Variants in SKIC8 observed in about 807,000 individuals in gnomAD.
SKIC8 encodes the protein SKI8 subunit of superkiller complex, also known as superkiller complex protein 8.
chr15:78,292,654 T>C, the SKIC8 span: 1 of 1,614,216 alleles, frequency 6.2e-7, no homozygotes, highest in East Asian at 2.2e-5. Context: ...TTTGCCATTT[T>C]CCAAGTCCCA....
the SKIC8 span, among the ~76,000 whole-genome samples, chr15:78,289,223 T>C: frequency 6.6e-6 from 1 of 152,130 alleles, no homozygotes; most frequent in East Asian, 1.9e-4. Context: ...GAGACCAGTC[T>C]GGGAAACAGC....
At chr15:78,295,171 T>TA in the SKIC8 span, 4 of 606,846 alleles carry the variant, frequency 6.6e-6, no homozygotes, top group East Asian at 5.6e-5. Context: ...AAAAAATTCT[T>TA]AAAGAAACTG....
chr15:78,289,432 A>AC, the SKIC8 span, among the ~76,000 whole-genome samples: 3 of 148,392 alleles, frequency 2.0e-5, no homozygotes, highest in African/African-American at 4.9e-5. Context: ...AAACAAACAA[A>AC]AAAACAAAAA....
chr15:78,288,983 T>C, the SKIC8 span: 1 of 434,128 alleles, frequency 2.3e-6, no homozygotes, highest in Non-Finnish European at 4.6e-6. Flanking sequence ...ATAACAGAAA[T>C]GAGACATTCA....
At chr15:78,285,381 A>G in the SKIC8 span, 1 of 1,587,372 alleles carries the variant, frequency 6.3e-7, no homozygotes, top group South Asian at 1.1e-5. Context: ...TGAAGTTGGA[A>G]GGACTTCGAC....
the SKIC8 span, among the ~76,000 whole-genome samples, chr15:78,298,256 C>T: frequency 6.6e-6 from 1 of 152,192 alleles, no homozygotes; most frequent in African/African-American, 2.4e-5. Context: ...GGAAGGCTTG[C>T]GGTAAGCCAG....
the SKIC8 span, among the ~76,000 whole-genome samples, chr15:78,297,569 A>T: frequency 6.6e-6 from 1 of 152,268 alleles, no homozygotes; most frequent in Non-Finnish European, 1.5e-5. Context: ...AGTTGCAATG[A>T]GCTTACACAA....
chr15:78,283,339 G>T, the SKIC8 span: 1 of 952,308 alleles, frequency 1.1e-6, no homozygotes, highest in Non-Finnish European at 1.6e-6. Flanking sequence ...TACAATAAAT[G>T]CTATATTTCT....
chr15:78,298,459 C>T, the SKIC8 span, among the ~76,000 whole-genome samples: 1 of 152,134 alleles, frequency 6.6e-6, no homozygotes, highest in Non-Finnish European at 1.5e-5. Flanking sequence ...CAGAGGTCAA[C>T]CGTAGTCCAA....
the SKIC8 span, chr15:78,289,020 A>C: frequency 2.5e-6 from 1 of 397,582 alleles, no homozygotes; most frequent in Non-Finnish European, 4.9e-6. Flanking sequence ...TAACACACAC[A>C]TACATAATGT....
the SKIC8 span, chr15:78,292,707 C>A: frequency 3.1e-5 from 50 of 1,614,078 alleles, no homozygotes; most frequent in Non-Finnish European, 3.6e-5. Context: ...CAGCAATGGG[C>A]AGGGTGTGGC....
At chr15:78,293,487 C>T in the SKIC8 span, 48 of 489,140 alleles carry the variant, frequency 9.8e-5, no homozygotes, top group South Asian at 4.2e-4. Context: ...GTTTACCAGG[C>T]GACAAGGTAG....
chr15:78,296,060 A>G, the SKIC8 span: 1 of 181,422 alleles, frequency 5.5e-6, no homozygotes, highest in Non-Finnish European at 1.1e-5. Flanking sequence ...ATTATTTATT[A>G]AAAACAAACA....
chr15:78,295,446 T>C, the SKIC8 span: 1 of 667,548 alleles, frequency 1.5e-6, no homozygotes, highest in Non-Finnish European at 2.7e-6. Context: ...CTTCTTCTAT[T>C]ACTCACTAAA....
At chr15:78,291,352 G>T in the SKIC8 span, 1 of 152,178 alleles carries the variant, frequency 6.6e-6, no homozygotes, top group Non-Finnish European at 1.5e-5. Context: ...CTTTTCTTAA[G>T]ACCATGCTTA....
the SKIC8 span, chr15:78,291,367 T>C: frequency 2.0e-5 from 3 of 152,196 alleles, no homozygotes; most frequent in South Asian, 2.1e-4. Flanking sequence ...TGCTTATATA[T>C]TGGAGTCTTA....
chr15:78,298,465 T>C, the SKIC8 span, among the ~76,000 whole-genome samples: 2 of 152,212 alleles, frequency 1.3e-5, no homozygotes, highest in South Asian at 2.1e-4. Flanking sequence ...TCAACCGTAG[T>C]CCAAAAATAG....
At chr15:78,296,642 A>G in the SKIC8 span, among the ~76,000 whole-genome samples, 1 of 151,876 alleles carries the variant, frequency 6.6e-6, no homozygotes, top group South Asian at 2.1e-4. Context: ...AGTGGCTGGG[A>G]CTACAGGTGC....
At chr15:78,283,441 A>G in the SKIC8 span, 1 of 1,613,312 alleles carries the variant, frequency 6.2e-7, no homozygotes, top group African/African-American at 1.3e-5. Context: ...TTTAAATTGG[A>G]CAATCATAGA....
Sources: allele counts gnomAD v4.1 joint callset (sites outside exome capture counted in the v4.1 genomes callset), GRCh38; gene constraint gnomAD v4.1.1; transcripts MANE v1.5; gene names NCBI Gene and HGNC (gene_info 2026-07-23, HGNC 2026-07-21).